MDH2: variants seen among roughly 807,000 people sequenced by gnomAD.
The protein encoded by MDH2 is malate dehydrogenase, mitochondrial.
MDH2 carries 25 observed loss-of-function variants against 33.6 expected under a neutral mutation model. The observed-to-expected ratio is 0.74, with a 90% CI of 0.54 to 1.04. MDH2 has a LOEUF of 1.04. Among genes scored for constraint, MDH2 ranks in the 50% least tolerant of loss-of-function variants. The pLI is 0.00. For synonymous variants in MDH2, 193 were observed against 188.7 expected (o/e 1.02, Z -0.19); for missense variants, 432 against 445.0 (o/e 0.97, Z 0.26).
chr7:76,052,004 G>A (rs374213768), intron 1 of MDH2, among the ~76,000 whole-genome samples: 1 of 152,192 alleles, frequency 6.6e-6, no homozygotes, highest in African/African-American at 2.4e-5. Flanking sequence ...GTGACATCCT[G>A]TAATATACAA....
At chr7:76,061,168 C>G (rs1161430232) in intron 5 of MDH2, among the ~76,000 whole-genome samples, 1 of 152,200 alleles carries the variant, frequency 6.6e-6, no homozygotes, top group Non-Finnish European at 1.5e-5. Flanking sequence ...GTGGAGCCAG[C>G]AGAACCACTT....
chr7:76,061,090 G>A (rs1010279371), intron 5 of MDH2, among the ~76,000 whole-genome samples: 2 of 152,142 alleles, frequency 1.3e-5, no homozygotes, highest in Non-Finnish European at 2.9e-5. Context: ...GCTCGGCTTG[G>A]TTTGGTGCCA....
chr7:76,054,777 T>G, intron 1 of MDH2, 53 bp from the exon 2 acceptor site: 1 of 1,607,328 alleles, frequency 6.2e-7, no homozygotes, highest in East Asian at 2.2e-5. Context: ...ACCATGTGAA[T>G]CCTTTTCATG....
chr7:76,048,784 CCTG>C (rs1289158263), intron 1 of MDH2: 3 of 1,225,358 alleles, frequency 2.4e-6, no homozygotes, highest in South Asian at 4.2e-5. Context: ...GAGGATCTCT[CCTG>C]CTGTGGGCGG....
intron 1 of MDH2, chr7:76,048,885 T>A (rs1463981570): frequency 8.3e-6 from 9 of 1,088,148 alleles, no homozygotes; most frequent in Non-Finnish European, 1.0e-5. Flanking sequence ...TTAGCCATCT[T>A]CTAGAATGGT....
rs1798011285 is a variant in MDH2, at chr7:76,063,602, T to C, written c.633+10T>C. 1 of 1,613,002 alleles carries C rather than the reference T, an allele frequency of 6.2e-7. No individual in the cohort carries two copies. Among genetic ancestry groups the C allele is most frequent in the African/African-American group, 1.3e-5 (1 of 74,930 alleles). On this transcript the variant is annotated intron_variant, in intron 6 of 8. Coordinates refer to ENST00000315758, the MANE Select transcript of MDH2 (RefSeq NM_005918.4). The stretch of plus-strand genomic sequence containing the variant: ...CCCCCTGATCTCTCAGGTACACGCA[T>C]ATGACCCTGTGAGGGGCTTCGAGGT...
rs900342474 is a variant in MDH2, at chr7:76,067,379, T to A, written c.*969T>A. ...TGTCCACAACAGCTTTTTGTTTTTT[T>A]AAAAAAGCTAAAATGGAAATGGATT... On this transcript the variant is annotated 3_prime_UTR_variant, in exon 9 of 9. Coordinates refer to ENST00000315758, the MANE Select transcript of MDH2 (RefSeq NM_005918.4). 1.3e-5 allele frequency: 2 copies of A among 152,164 alleles called. No homozygotes were observed. The highest frequency in any genetic ancestry group is 2.9e-5 in the Non-Finnish European group (2 of 68,030). 9.4% of individuals were successfully genotyped at this position (152,164 alleles called of 1,614,324 possible). A position where few individuals can be genotyped will look rare whatever the true frequency, so the allele number is the denominator to read the frequency against.
In MDH2 at chr7:76,057,470, C is replaced by T. The variant is rs782598079; in HGVS notation, c.296C>T (p.Pro99Leu). The change falls in exon 3 of 9, where the codon CCG becomes CTG. Residue 99 changes from proline to leucine, a missense_variant. Physicochemically the swap from Pro to Leu is moderately conservative, Grantham distance 98. Coordinates refer to ENST00000315758, the MANE Select transcript of MDH2 (RefSeq NM_005918.4). ...CLKGCDVVVI[P>L]AGVPRKPGMT... ...AAAGGTTGTGATGTGGTAGTTATTC[C>T]GGCTGGAGTCCCCAGAAAGCCAGGT... is the stretch of plus-strand genomic sequence containing the variant. The T allele has an allele frequency of 1.1e-5, 18 of 1,613,990 alleles. No individual in the cohort carries two copies. Among genetic ancestry groups the T allele is most frequent in the East Asian group, 2.2e-5 (1 of 44,884 alleles).
At chr7:76,066,258 A>T (rs782773914) in intron 8 of MDH2, 21 bp from the exon 9 acceptor site, 1 of 1,600,984 alleles carries the variant, frequency 6.2e-7, no homozygotes, top group South Asian at 1.1e-5. Context: ...CTTCATTTTA[A>T]CATGTTCCCA....
At chr7:76,053,576 G>A (rs574326721) in intron 1 of MDH2, among the ~76,000 whole-genome samples, 5 of 152,252 alleles carry the variant, frequency 3.3e-5, no homozygotes, top group South Asian at 2.1e-4. Flanking sequence ...GTCTTGATTC[G>A]GATTTTGGTT....
intron 1 of MDH2, 22 bp from the exon 2 acceptor site, chr7:76,054,808 C>T (rs560653489): frequency 5.0e-6 from 8 of 1,613,770 alleles, no homozygotes; most frequent in Non-Finnish European, 5.9e-6. Flanking sequence ...CCTAAGAGTC[C>T]TTTCTCTGTG....
At position 76,066,287 on chromosome 7, in the gene MDH2, C is replaced by A; in HGVS notation, c.894C>A (p.Gly298=). Residue 298 remains glycine, a synonymous_variant, in exon 9 of 9, where the codon GGC becomes GGA. Coordinates refer to ENST00000315758, the MANE Select transcript of MDH2 (RefSeq NM_005918.4). ...FSTPLLLGKK[G]IEKNLGIGKV... ...GTTCCCATCTCCCTCAGAAAAAGGG[C>A]ATCGAGAAGAACCTGGGCATCGGCA... 1 of 1,608,254 alleles carries A rather than the reference C, an allele frequency of 6.2e-7. No homozygotes were observed.
chr7:76,051,919 A>G (rs1797638453), intron 1 of MDH2, among the ~76,000 whole-genome samples: 1 of 152,224 alleles, frequency 6.6e-6, no homozygotes, highest in South Asian at 2.1e-4. Context: ...CCGGGCCACC[A>G]AAGATTTTCA....
At chr7:76,057,783 G>A (rs527789077) in intron 3 of MDH2, among the ~76,000 whole-genome samples, 186 bp from the exon 4 acceptor site, 1 of 152,230 alleles carries the variant, frequency 6.6e-6, no homozygotes, top group Admixed American at 6.5e-5. Flanking sequence ...GTCCTCCCCT[G>A]CTCCACCCAT....
rs11538801 is a variant in MDH2 at position 76,058,078 on chromosome 7, G to A, written c.429G>A (p.Pro143=). ...CCATGATCTGCGTCATTGCCAATCC[G>A]GTGAGTGTGGCAGCACCCGGCTCTT... is the stretch of plus-strand genomic sequence containing the variant. ...PEAMICVIAN[P]VNSTIPITAE... is the part of the protein sequence containing the mutation. The change falls in exon 4 of 9, where the codon CCG becomes CCA. Residue 143 remains proline, a splice_region_variant and synonymous_variant. Transcript: ENST00000315758. 23,886 of 1,611,256 alleles carry A rather than the reference G, an allele frequency of 0.015. 292 individuals are homozygous for A. Among genetic ancestry groups the A allele is most frequent in the South Asian group, 0.037 (3,370 of 91,048 alleles).
At chr7:76,048,963 T>A in intron 1 of MDH2, 1 of 560,870 alleles carries the variant, frequency 1.8e-6, no homozygotes, top group Non-Finnish European at 2.1e-6. Flanking sequence ...CTGGGTTCAT[T>A]GAAGAAGCTT....
chr7:76,054,706 A>C lies in MDH2; in HGVS notation c.67-124A>C, dbSNP rs993051319. On this transcript the variant is annotated intron_variant, in intron 1 of 8. Coordinates refer to ENST00000315758, the MANE Select transcript of MDH2 (RefSeq NM_005918.4). ...TCCAGAATGAGACTGTTACAAATAC[A>C]ATGATTGTATCTTGCTTTGGCAACT... The C allele has an allele frequency of 7.3e-6, 8 of 1,094,990 alleles. No individual in the cohort carries two copies. In the South Asian group the frequency reaches 1.1e-4, roughly 15 times the overall value. The allele number at this position is 1,094,990 out of a possible 1,614,324, so 67.8% of individuals were successfully genotyped here.
intron 8 of MDH2, among the ~76,000 whole-genome samples, chr7:76,065,940 C>T (rs1276215993): frequency 6.6e-6 from 1 of 152,182 alleles, no homozygotes; most frequent in East Asian, 1.9e-4. Flanking sequence ...GAGTTCCTGG[C>T]GTCCAGGTGC....
rs1798103347 is a variant in MDH2 at position 76,066,587 on chromosome 7, TTTA to T, written c.*180_*182del. The T allele has an allele frequency of 1.3e-6, 1 of 750,606 alleles. No individual in the cohort carries two copies. The highest frequency in any genetic ancestry group is 1.8e-5 in the African/African-American group (1 of 56,102). The allele number at this position is 750,606 out of a possible 1,614,324, so 46.5% of individuals were successfully genotyped here. A position where few individuals can be genotyped will look rare whatever the true frequency, so the allele number is the denominator to read the frequency against. Reference sequence around the variant, plus strand: ...CGCATCAATAAAAGCCGTCCTTGATTTTATTTTTCAAGGTCCCTTCTGTAAATG... The same window carrying T: ...CGCATCAATAAAAGCCGTCCTTGATTTTTTTCAAGGTCCCTTCTGTAAATG... On this transcript the variant is annotated 3_prime_UTR_variant, in exon 9 of 9. Transcript: ENST00000315758.
Sources: allele counts gnomAD v4.1 joint callset (sites outside exome capture counted in the v4.1 genomes callset), GRCh38; gene constraint gnomAD v4.1.1; transcripts MANE v1.5; gene names NCBI Gene and HGNC (gene_info 2026-07-23, HGNC 2026-07-21).